The following CD1B variants were observed in gnomAD, a reference collection of about 807,000 sequenced individuals.
CD1B encodes CD1b molecule, also known as T-cell surface glycoprotein CD1b.
Under a neutral mutation model 39.8 loss-of-function variants are expected in CD1B, and 43 were observed. The observed-to-expected ratio is 1.08, with a 90% CI of 0.85 to 1.39. The LOEUF (loss-of-function observed/expected upper bound fraction) is 1.39, where lower values mean the gene tolerates loss of function less well. CD1B is among the 40% of genes most tolerant of loss of function. CD1B has a pLI of 0.00. For missense variants in CD1B, 495 were observed against 403.8 expected, an observed-to-expected ratio of 1.23 and a Z score of -1.94; for synonymous variants, 192 against 152.5, an observed-to-expected ratio of 1.26 and a Z score of -1.91.
intron 2 of CD1B, 71 bp from the exon 3 acceptor site, chr1:158,330,201 GA>G: frequency 7.1e-7 from 1 of 1,408,000 alleles, no homozygotes; most frequent in Non-Finnish European, 9.7e-7. Context: ...AAGAACCTAG[GA>G]TTTTAGATTT....
the CD1B span, among the ~76,000 whole-genome samples, chr1:158,316,709 T>G: frequency 1.3e-5 from 2 of 151,014 alleles, no homozygotes; most frequent in Non-Finnish European, 2.9e-5. Flanking sequence ...ATAGGAGTGG[T>G]GAGAGAGGGC....
At chr1:158,315,377 T>C in the CD1B span, among the ~76,000 whole-genome samples, 2 of 151,992 alleles carry the variant, frequency 1.3e-5, no homozygotes, top group East Asian at 1.9e-4. Flanking sequence ...TATCTCATTG[T>C]GGTTTTGATT....
the CD1B span, among the ~76,000 whole-genome samples, chr1:158,310,524 C>A: frequency 6.6e-6 from 1 of 151,926 alleles, no homozygotes; most frequent in Non-Finnish European, 1.5e-5. Context: ...ACAGAATAAA[C>A]AGACAACTTA....
the CD1B span, among the ~76,000 whole-genome samples, chr1:158,305,489 C>T: frequency 6.6e-6 from 1 of 152,162 alleles, no homozygotes; most frequent in African/African-American, 2.4e-5. Context: ...AGAATGGAAC[C>T]AAGTTGGAAA....
intron 4 of CD1B, 70 bp downstream of exon 4, chr1:158,329,300 C>T (rs1652485707): frequency 4.6e-5 from 70 of 1,537,982 alleles, no homozygotes; most frequent in Non-Finnish European, 6.0e-5. Context: ...TCTATCCTTC[C>T]CCAGTGCCTC....
At chr1:158,330,166 C>T in intron 2 of CD1B, 36 bp from the exon 3 acceptor site, 1 of 1,541,536 alleles carries the variant, frequency 6.5e-7, no homozygotes, top group East Asian at 2.3e-5. Flanking sequence ...TTATTAAACA[C>T]AAATAAGAAA....
chr1:158,316,974 A>G, the CD1B span, among the ~76,000 whole-genome samples: 7 of 151,278 alleles, frequency 4.6e-5, 1 homozygote, highest in African/African-American at 1.7e-4. Flanking sequence ...TGATTTGCGT[A>G]TATTGAACCA....
At chr1:158,304,727 C>T in the CD1B span, among the ~76,000 whole-genome samples, 3 of 152,212 alleles carry the variant, frequency 2.0e-5, no homozygotes, top group Non-Finnish European at 4.4e-5. Flanking sequence ...CAGGGTACTC[C>T]TCTGAGACAA....
the CD1B span, among the ~76,000 whole-genome samples, chr1:158,289,592 T>C: frequency 1.3e-5 from 2 of 151,854 alleles, no homozygotes. Flanking sequence ...AAAGAAAGAA[T>C]GGAGTGATGA....
chr1:158,314,660 T>A, the CD1B span, among the ~76,000 whole-genome samples: 2 of 152,088 alleles, frequency 1.3e-5, no homozygotes, highest in East Asian at 1.9e-4. Context: ...TATTTTTTTA[T>A]TTTTTTATTA....
At chr1:158,286,190 C>G in the CD1B span, among the ~76,000 whole-genome samples, 1 of 152,136 alleles carries the variant, frequency 6.6e-6, no homozygotes, top group East Asian at 1.9e-4. Flanking sequence ...CTCGGGACAA[C>G]CCAGCCCCTC....
chr1:158,289,905 A>T, the CD1B span: 1 of 611,342 alleles, frequency 1.6e-6, no homozygotes, highest in Non-Finnish European at 2.9e-6. Flanking sequence ...GAGTAGGAGG[A>T]CCAAGGTTGA....
rs368718873 is a variant in CD1B at position 158,331,431 on chromosome 1, G to C, written c.-8C>G. 1.2e-6 allele frequency: 2 copies of C among 1,612,552 alleles called. No individual in the cohort carries two copies. The highest frequency in any genetic ancestry group is 2.7e-5 in the African/African-American group (2 of 74,866). On this transcript the variant is annotated 5_prime_UTR_variant, in exon 1 of 6. Coordinates refer to ENST00000368168, the MANE Select transcript of CD1B (RefSeq NM_001764.3). The stretch of plus-strand genomic sequence containing the variant: ...AAATGGCAGCAGCAGCATTTCACTG[G>C]GAGATGCAACTTCTTACTGGCAGAG...
At chr1:158,291,312 G>A in the CD1B span, 1 of 1,614,104 alleles carries the variant, frequency 6.2e-7, no homozygotes, top group South Asian at 1.1e-5. Flanking sequence ...GCAATGAAGA[G>A]TTGTCAGACC....
chr1:158,323,875 G>A (rs192333026), downstream of CD1B, among the ~76,000 whole-genome samples: 181 of 152,344 alleles, frequency 1.2e-3, no homozygotes, highest in Non-Finnish European at 2.0e-3. Context: ...AGATGTGGGA[G>A]GAGCTGGAGC....
At chr1:158,328,289 C>T (rs772443602) in intron 5 of CD1B, 32 bp from the exon 6 acceptor site, 24 of 1,592,298 alleles carry the variant, frequency 1.5e-5, no homozygotes, top group Non-Finnish European at 2.0e-5. Flanking sequence ...AAGAGCTCCA[C>T]ATAAAAGATG....
chr1:158,292,387 C>T, the CD1B span: 9 of 1,599,608 alleles, frequency 5.6e-6, no homozygotes, highest in African/African-American at 1.2e-4. Context: ...CAGCCCCTTC[C>T]TCTAAGATTT....
At chr1:158,293,167 CA>C in the CD1B span, 2 of 1,374,066 alleles carry the variant, frequency 1.5e-6, no homozygotes, top group Non-Finnish European at 2.1e-6. Context: ...ATAGAATCAG[CA>C]GTGAGTTTAA....
At chr1:158,315,668 C>T in the CD1B span, among the ~76,000 whole-genome samples, 1 of 151,564 alleles carries the variant, frequency 6.6e-6, no homozygotes, top group Admixed American at 6.6e-5. Flanking sequence ...TTAATTAGAT[C>T]CCATTTGTCA....
Sources: gnomAD v4.1 joint callset for allele counts (sites outside exome capture counted in the v4.1 genomes callset) on GRCh38, gnomAD v4.1.1 for gene constraint, MANE v1.5 for transcripts, NCBI Gene and HGNC (gene_info 2026-07-23, HGNC 2026-07-21) for gene names.